RIMS1: variants seen among roughly 807,000 people sequenced by gnomAD.
RIMS1 encodes regulating synaptic membrane exocytosis protein 1.
In RIMS1, 83 loss-of-function variants were observed where a neutral mutation model predicts 214.1. The ratio of observed to expected loss-of-function variants is 0.39; its 90% CI spans 0.32 to 0.47. RIMS1 has a LOEUF of 0.47. RIMS1 is among the 20% of genes least tolerant of loss of function. The pLI, the probability that RIMS1 is intolerant of heterozygous loss-of-function variation, is 0.99. For synonymous variants in RIMS1, 793 were observed against 786.8 expected (o/e 1.01, Z -0.13); for missense variants, 2,050 against 2,161.8 (o/e 0.95, Z 1.03).
At chr6:72,248,548 ACT>A (rs1226082055) in intron 12 of RIMS1, among the ~76,000 whole-genome samples, 1 of 152,024 alleles carries the variant, frequency 6.6e-6, no homozygotes, top group East Asian at 1.9e-4. Flanking sequence ...ATTTGGCAAA[ACT>A]CTTCGTTGCC....
chr6:72,337,224 T>C (rs1461257201), intron 29 of RIMS1, among the ~76,000 whole-genome samples: 2 of 151,742 alleles, frequency 1.3e-5, no homozygotes, highest in East Asian at 3.9e-4. Context: ...TCTCTGTTGA[T>C]TTTAGTGGCC....
intron 2 of RIMS1, among the ~76,000 whole-genome samples, chr6:72,069,566 A>C (rs959425960): frequency 6.6e-6 from 1 of 152,190 alleles, no homozygotes; most frequent in Non-Finnish European, 1.5e-5. Flanking sequence ...GTTTCTTTTG[A>C]ATATGAAGTC....
At chr6:72,077,137 G>A (rs115343399) in intron 2 of RIMS1, among the ~76,000 whole-genome samples, 2,677 of 152,222 alleles carry the variant, frequency 0.018, 64 homozygotes, top group African/African-American at 0.049. Flanking sequence ...AGTGGAAGGC[G>A]TGTTTCTCCT....
At chr6:72,246,347 A>T (rs1204649987) in intron 11 of RIMS1, among the ~76,000 whole-genome samples, 1 of 152,140 alleles carries the variant, frequency 6.6e-6, no homozygotes, top group Non-Finnish European at 1.5e-5. Context: ...ATAGGTCAAG[A>T]GATTGTGAAA....
At chr6:72,160,934 A>T (rs1242625453) in intron 4 of RIMS1, among the ~76,000 whole-genome samples, 2 of 139,236 alleles carry the variant, frequency 1.4e-5, no homozygotes, top group Non-Finnish European at 3.3e-5. Flanking sequence ...TTTTCTATTG[A>T]TTGGAATAGT....
At chr6:71,988,744 A>G (rs894252007) in intron 2 of RIMS1, among the ~76,000 whole-genome samples, 1 of 152,204 alleles carries the variant, frequency 6.6e-6, no homozygotes, top group Admixed American at 6.5e-5. Context: ...TGACTGGCCC[A>G]TAGCAAACTG....
In RIMS1 at chr6:72,097,022, G is replaced by A. The variant is rs965656681; in HGVS notation, c.319G>A (p.Gly107Ser). 33 of 1,613,798 alleles carry A rather than the reference G, an allele frequency of 2.0e-5. No homozygotes were observed. The highest frequency in any genetic ancestry group is 2.5e-5 in the Non-Finnish European group (30 of 1,179,866). ...KIGEEARRYQ[G>S]EHKDDAPTCG... ...AGGGGAAGAAGCGCGGCGTTACCAG[G>A]GCGAGCACAAAGACGATGCTCCGAC... is the stretch of plus-strand genomic sequence containing the variant. The change falls in exon 3 of 34, where the codon GGC (glycine) becomes AGC (serine). Residue 107 changes from glycine (G) to serine (S), a missense_variant. Gly to Ser is a moderately conservative substitution (Grantham distance 56). Transcript: ENST00000521978.
At chr6:72,293,071 A>G (rs2093629573) in intron 26 of RIMS1, among the ~76,000 whole-genome samples, 2 of 152,060 alleles carry the variant, frequency 1.3e-5, no homozygotes, top group African/African-American at 4.8e-5. Flanking sequence ...GCATTGTTTC[A>G]AAGACTGATG....
chr6:72,186,345 T>C (rs563255073), intron 6 of RIMS1, among the ~76,000 whole-genome samples: 1 of 152,372 alleles, frequency 6.6e-6, no homozygotes, highest in Admixed American at 6.5e-5. Flanking sequence ...TTTCACTATA[T>C]AATGCTGTAG....
intron 2 of RIMS1, among the ~76,000 whole-genome samples, chr6:72,004,045 G>T: frequency 9.3e-6 from 1 of 107,774 alleles, no homozygotes; most frequent in East Asian, 2.9e-4. Context: ...ACAGTCCCCA[G>T]AGTGTGACAT....
intron 6 of RIMS1, among the ~76,000 whole-genome samples, chr6:72,186,710 A>G (rs954781660): frequency 9.2e-5 from 14 of 152,100 alleles, no homozygotes; most frequent in Non-Finnish European, 1.9e-4. Context: ...AATAAATTAT[A>G]TACAAAATAT....
intron 2 of RIMS1, among the ~76,000 whole-genome samples, chr6:72,004,898 G>A (rs575387821): frequency 2.6e-5 from 4 of 151,948 alleles, no homozygotes; most frequent in South Asian, 2.1e-4. Context: ...GTCAATTTTG[G>A]CTTTTGTTGT....
chr6:72,237,253 G>A (rs926657454), intron 8 of RIMS1, among the ~76,000 whole-genome samples: 6 of 150,882 alleles, frequency 4.0e-5, no homozygotes, highest in Non-Finnish European at 7.4e-5. Flanking sequence ...AGGAAGGAAG[G>A]GAGGGAGGGA....
At chr6:71,905,759 A>G (rs1775077377) in intron 1 of RIMS1, among the ~76,000 whole-genome samples, 1 of 152,124 alleles carries the variant, frequency 6.6e-6, no homozygotes. Flanking sequence ...GTGTTGGGGA[A>G]TAATGTTGAC....
intron 1 of RIMS1, among the ~76,000 whole-genome samples, chr6:71,903,268 C>T (rs1193262770): frequency 6.6e-6 from 1 of 152,136 alleles, no homozygotes; most frequent in Non-Finnish European, 1.5e-5. Context: ...TTGTGTTTCT[C>T]TAATGATTGG....
chr6:72,033,262 G>A (rs1818651264), intron 2 of RIMS1, among the ~76,000 whole-genome samples: 1 of 152,166 alleles, frequency 6.6e-6, no homozygotes. Context: ...TTGACAAGTT[G>A]CATGTTACAG....
chr6:71,992,467 T>A (rs1419173255), intron 2 of RIMS1, among the ~76,000 whole-genome samples: 2 of 149,144 alleles, frequency 1.3e-5, no homozygotes, highest in Non-Finnish European at 3.0e-5. Context: ...TCTTTCTTTC[T>A]CCTTTCTTCC....
chr6:72,395,054 A>G (rs1435541484), intron 31 of RIMS1, among the ~76,000 whole-genome samples: 1 of 152,070 alleles, frequency 6.6e-6, no homozygotes, highest in African/African-American at 2.4e-5. Context: ...TATACTGAAC[A>G]AAGCTTAAGA....
intron 1 of RIMS1, among the ~76,000 whole-genome samples, chr6:71,944,463 A>C (rs1229226398): frequency 2.0e-5 from 3 of 152,200 alleles, no homozygotes; most frequent in African/African-American, 7.2e-5. Flanking sequence ...AGCTTTGCTT[A>C]ACTCTGATGT....
Sources: gnomAD v4.1 joint callset for allele counts (sites outside exome capture counted in the v4.1 genomes callset) on GRCh38, gnomAD v4.1.1 for gene constraint, MANE v1.5 for transcripts, NCBI Gene and HGNC (gene_info 2026-07-23, HGNC 2026-07-21) for gene names.